BORCS5: variants seen among roughly 807,000 people sequenced by gnomAD.
BORCS5 encodes BLOC-1 related complex subunit 5.
BORCS5 carries 17 observed loss-of-function variants against 22.1 expected under a neutral mutation model. The ratio of observed to expected loss-of-function variants is 0.77; its 90% CI spans 0.53 to 1.15. The LOEUF (loss-of-function observed/expected upper bound fraction) is 1.15. Among genes scored for constraint, BORCS5 ranks in the 50% most tolerant of loss-of-function variants. The probability of loss-of-function intolerance (pLI) is 0.00; values close to 1 mark genes in which losing one functional copy is unlikely to be tolerated. For missense variants in BORCS5, 247 were observed against 253.2 expected (o/e 0.98, Z 0.17); for synonymous variants, 117 against 99.8 (o/e 1.17, Z -1.03).
intron 2 of BORCS5, among the ~76,000 whole-genome samples, chr12:12,401,075 GT>G (rs1941460705): frequency 6.6e-6 from 1 of 152,044 alleles, no homozygotes; most frequent in Non-Finnish European, 1.5e-5. Context: ...TATTTGAGTT[GT>G]TTCCAGTTGT....
rs1941725536 is a variant in BORCS5 at position 12,411,302 on chromosome 12, C to A, written c.203-24326C>A. Among the ~76,000 whole-genome samples, 3 of 152,102 alleles carry A rather than the reference C, an allele frequency of 2.0e-5. No homozygotes were observed. In the South Asian group the frequency reaches 6.2e-4, roughly 32 times the overall value. ...GAGAGAGGGCATCCCTGTCTTGTGC[C>A]CGTTTTCAAAGGGAATGCTTCCAGT... On this transcript the variant is annotated intron_variant, in intron 2 of 3. Coordinates refer to ENST00000314565, the MANE Select transcript of BORCS5 (RefSeq NM_058169.6).
intron 2 of BORCS5, among the ~76,000 whole-genome samples, chr12:12,378,424 T>G (rs1863702462): frequency 6.6e-6 from 1 of 152,142 alleles, no homozygotes; most frequent in Non-Finnish European, 1.5e-5. Flanking sequence ...AGAGAGAACA[T>G]AGGCATAGGG....
At chr12:12,414,848 G>A (rs1159074984) in intron 2 of BORCS5, among the ~76,000 whole-genome samples, 2 of 149,558 alleles carry the variant, frequency 1.3e-5, no homozygotes. Flanking sequence ...CGGCCGGGCA[G>A]AGACGCTCCT....
chr12:12,366,101 T>C (rs1863401257), intron 2 of BORCS5, among the ~76,000 whole-genome samples: 1 of 152,206 alleles, frequency 6.6e-6, no homozygotes, highest in Admixed American at 6.5e-5. Context: ...TGACTCTTTT[T>C]TCCCCCTTTC....
At chr12:12,448,628 A>T (rs936509257) in intron 3 of BORCS5, among the ~76,000 whole-genome samples, 23 of 150,952 alleles carry the variant, frequency 1.5e-4, no homozygotes, top group Admixed American at 6.6e-4. Flanking sequence ...TTCTGGTTTC[A>T]AGCGATTCTC....
chr12:12,457,895 C>T (rs1207112806), intron 3 of BORCS5, among the ~76,000 whole-genome samples: 2 of 152,186 alleles, frequency 1.3e-5, no homozygotes, highest in Non-Finnish European at 2.9e-5. Context: ...GATGTACAGC[C>T]TCAGTGGGCA....
chr12:12,392,876 T>A (rs184996201), intron 2 of BORCS5, among the ~76,000 whole-genome samples: 1 of 152,190 alleles, frequency 6.6e-6, no homozygotes, highest in East Asian at 1.9e-4. Flanking sequence ...AGAAGAGGGT[T>A]ATATTCTGAG....
Position 12,465,785 on chromosome 12 carries a change from C to A in BORCS5, c.*9C>A. ...GCGAGCTCAGGCTGTAGCTGCTGCC[C>A]GGCCTGCCTGGGGCTGGGAGCCCCA... is the stretch of plus-strand genomic sequence containing the variant. On this transcript the variant is annotated 3_prime_UTR_variant, in exon 4 of 4. Transcript: ENST00000314565. 1 of 1,605,880 alleles carries A rather than the reference C, an allele frequency of 6.2e-7. No homozygotes were observed. The highest frequency in any genetic ancestry group is 8.5e-7 in the Non-Finnish European group (1 of 1,176,958).
intron 2 of BORCS5, among the ~76,000 whole-genome samples, chr12:12,378,732 T>A (rs1490012539): frequency 6.6e-6 from 1 of 151,204 alleles, no homozygotes; most frequent in Non-Finnish European, 1.5e-5. Context: ...ATTGTAGCAG[T>A]GTTAATTTCC....
rs781537415 is a variant in BORCS5 at position 12,465,660 on chromosome 12, A to G, written c.475A>G (p.Ile159Val). 9 of 1,614,266 alleles carry G rather than the reference A, an allele frequency of 5.6e-6. No individual in the cohort carries two copies. The highest frequency in any genetic ancestry group is 4.5e-5 in the East Asian group (2 of 44,890). The change falls in exon 4 of 4, where the codon ATA becomes GTA. Residue 159 changes from isoleucine (I) to valine (V), a missense_variant. Coordinates refer to ENST00000314565, the MANE Select transcript of BORCS5 (RefSeq NM_058169.6). ...VNEMSAILRR[I>V]QMGIDQTVPL... ...CGAGATGTCCGCCATCCTCCGCCGC[A>G]TACAGATGGGCATCGACCAGACTGT...
rs147490568 is a variant in BORCS5, at chr12:12,428,321, C to A, written c.203-7307C>A. The stretch of plus-strand genomic sequence containing the variant: ...ACACTTCTAACCCTGATGATTTTTC[C>A]ACTCAACATTTTACACAAAGAGGTA... On this transcript the variant is annotated intron_variant, in intron 2 of 3. Coordinates refer to ENST00000314565, the MANE Select transcript of BORCS5 (RefSeq NM_058169.6). Among the ~76,000 whole-genome samples, 322 of 152,284 alleles carry A rather than the reference C, an allele frequency of 2.1e-3. 1 individual carries two copies. Among genetic ancestry groups the A allele is most frequent in the African/African-American group, 6.8e-3 (282 of 41,548 alleles).
At chr12:12,401,009 G>A (rs189927000) in intron 2 of BORCS5, among the ~76,000 whole-genome samples, 175 of 152,134 alleles carry the variant, frequency 1.2e-3, no homozygotes, top group Non-Finnish European at 8.8e-5. Context: ...TTTCACTGCT[G>A]CGTAGTATTC....
chr12:12,373,732 A>G (rs576428940), intron 2 of BORCS5, among the ~76,000 whole-genome samples: 4 of 152,322 alleles, frequency 2.6e-5, no homozygotes, highest in Admixed American at 2.6e-4. Context: ...TACAAAAAAT[A>G]GAAGACATAG....
At chr12:12,423,532 G>A (rs554159702) in intron 2 of BORCS5, among the ~76,000 whole-genome samples, 1 of 117,626 alleles carries the variant, frequency 8.5e-6, no homozygotes, top group South Asian at 2.6e-4. Flanking sequence ...TAAAATTCTT[G>A]GTTGACAGGT....
chr12:12,361,283 A>G lies in BORCS5; in HGVS notation c.136A>G (p.Asn46Asp). The G allele has an allele frequency of 6.2e-7, 1 of 1,614,174 alleles. No individual in the cohort carries two copies. The highest frequency in any genetic ancestry group is 8.5e-7 in the Non-Finnish European group (1 of 1,180,038). The change falls in exon 2 of 4, where the codon AAC becomes GAC. Residue 46 changes from asparagine to aspartate, a missense_variant. Physicochemically the swap from Asn to Asp is conservative, Grantham distance 23. Coordinates refer to ENST00000314565, the MANE Select transcript of BORCS5 (RefSeq NM_058169.6). ...VVAQGSQASR[N>D]VSNDPDVIKL... is the part of the protein sequence containing the mutation. ...AGCTCAGGGCTCCCAGGCCTCACGG[A>G]ACGTCAGCAACGATCCCGATGTCAT...
At chr12:12,461,841 G>A (rs928821945) in intron 3 of BORCS5, among the ~76,000 whole-genome samples, 16 of 152,140 alleles carry the variant, frequency 1.1e-4, no homozygotes, top group African/African-American at 2.9e-4. Flanking sequence ...CATGTGTCAC[G>A]GCAAGGCGAG....
At chr12:12,397,349 T>C (rs1433926876) in intron 2 of BORCS5, among the ~76,000 whole-genome samples, 4 of 152,184 alleles carry the variant, frequency 2.6e-5, no homozygotes, top group Admixed American at 6.5e-5. Context: ...TTACACAGTT[T>C]TTTGTACGTG....
intron 2 of BORCS5, among the ~76,000 whole-genome samples, chr12:12,381,389 C>T (rs2136044442): frequency 6.6e-6 from 1 of 151,434 alleles, no homozygotes; most frequent in East Asian, 1.9e-4. Flanking sequence ...GTGTAAAGGT[C>T]TAAGTTCATT....
In BORCS5 at chr12:12,398,842, C is replaced by A. The variant is rs138701747; in HGVS notation, c.203-36786C>A. Among the ~76,000 whole-genome samples, 707 of 152,268 alleles carry A rather than the reference C, an allele frequency of 4.6e-3. 8 individuals are homozygous for A. The highest frequency in any genetic ancestry group is 0.016 in the African/African-American group (661 of 41,534). On this transcript the variant is annotated intron_variant, in intron 2 of 3. Transcript: ENST00000314565. ...CAAGGCAGAAAATGTCAAGATTAGC[C>A]AACTATTTATTGAAATTAGTTGGAG...
Sources: allele counts gnomAD v4.1 joint callset (sites outside exome capture counted in the v4.1 genomes callset), GRCh38; gene constraint gnomAD v4.1.1; transcripts MANE v1.5; gene names NCBI Gene and HGNC (gene_info 2026-07-23, HGNC 2026-07-21).